The following RABGAP1L variants were observed in gnomAD, a reference collection of about 807,000 sequenced individuals.
RABGAP1L encodes RAB GTPase activating protein 1 like, also known as rab GTPase-activating protein 1-like.
A neutral mutation model predicts 137.7 loss-of-function variants in RABGAP1L; 63 were observed. The observed-to-expected ratio is 0.46, with a 90% confidence interval of 0.37 to 0.56. RABGAP1L has a LOEUF of 0.56. Among genes scored for constraint, RABGAP1L ranks in the 20% least tolerant of loss-of-function variants. The pLI is 0.00. For missense variants in RABGAP1L, 1,095 were observed against 1,244.0 expected (o/e 0.88, Z 1.80); for synonymous variants, 431 against 433.7 (o/e 0.99, Z 0.08).
intron 1 of RABGAP1L, among the ~76,000 whole-genome samples, chr1:174,180,038 T>G (rs1335421626): frequency 1.3e-5 from 2 of 152,254 alleles, no homozygotes; most frequent in African/African-American, 2.4e-5. Context: ...TAATGCATAT[T>G]CTTAAGACTC....
intron 18 of RABGAP1L, among the ~76,000 whole-genome samples, chr1:174,806,294 C>G (rs1460449617): frequency 6.6e-6 from 1 of 152,138 alleles, no homozygotes; most frequent in Non-Finnish European, 1.5e-5. Flanking sequence ...ATCTGCAGAG[C>G]CAGCTCATTA....
At chr1:174,675,281 G>A (rs2148458406) in intron 14 of RABGAP1L, among the ~76,000 whole-genome samples, 1 of 151,338 alleles carries the variant, frequency 6.6e-6, no homozygotes, top group Non-Finnish European at 1.5e-5. Flanking sequence ...TGTAAGGAAG[G>A]GATCCAGTTT....
At chr1:174,794,100 G>T (rs1203225994) in intron 18 of RABGAP1L, among the ~76,000 whole-genome samples, 1 of 152,140 alleles carries the variant, frequency 6.6e-6, no homozygotes, top group Non-Finnish European at 1.5e-5. Context: ...TGACCTGTTT[G>T]CTGGATCTTA....
At chr1:174,389,932 A>G (rs1687088004) in intron 12 of RABGAP1L, among the ~76,000 whole-genome samples, 2 of 152,322 alleles carry the variant, frequency 1.3e-5, no homozygotes, top group East Asian at 1.9e-4. Flanking sequence ...AGCATGTATC[A>G]TAACTAGTTG....
chr1:174,636,246 T>C (rs1674018603), intron 13 of RABGAP1L, among the ~76,000 whole-genome samples: 1 of 152,166 alleles, frequency 6.6e-6, no homozygotes, highest in African/African-American at 2.4e-5. Flanking sequence ...AAAGAAGATA[T>C]CATCCTTCAC....
chr1:174,339,239 G>A (rs540060711), intron 11 of RABGAP1L, among the ~76,000 whole-genome samples: 140 of 152,108 alleles, frequency 9.2e-4, no homozygotes, highest in Non-Finnish European at 1.0e-3. Flanking sequence ...AACATGCAGC[G>A]CAAAAACTCA....
chr1:174,650,404 G>T (rs1277975872), intron 14 of RABGAP1L, among the ~76,000 whole-genome samples: 4 of 152,258 alleles, frequency 2.6e-5, no homozygotes, highest in Admixed American at 1.3e-4. Context: ...GTTTCAGAAG[G>T]AACGGTACCA....
intron 1 of RABGAP1L, among the ~76,000 whole-genome samples, chr1:174,176,711 C>CAA (rs1558005321): frequency 9.4e-5 from 1 of 10,606 alleles, no homozygotes; most frequent in Non-Finnish European, 1.5e-4. Context: ...GACCCTTTTT[C>CAA]AGAAAAAAAA....
At chr1:174,303,655 T>C (rs561274561) in intron 10 of RABGAP1L, among the ~76,000 whole-genome samples, 1 of 152,280 alleles carries the variant, frequency 6.6e-6, no homozygotes, top group South Asian at 2.1e-4. Flanking sequence ...TGGGAACAAG[T>C]AGTGTATTTT....
chr1:174,564,815 A>G (rs1667460635), intron 13 of RABGAP1L, among the ~76,000 whole-genome samples: 1 of 152,168 alleles, frequency 6.6e-6, no homozygotes, highest in African/African-American at 2.4e-5. Flanking sequence ...TCTAGATCCT[A>G]TGGATAGGAA....
intron 13 of RABGAP1L, among the ~76,000 whole-genome samples, chr1:174,442,661 A>G (rs575649953): frequency 6.0e-4 from 91 of 152,312 alleles, no homozygotes; most frequent in South Asian, 5.8e-3. Context: ...ACATGCATAC[A>G]ATGTGTAATG....
At chr1:174,597,916 A>G (rs1572450487) in intron 13 of RABGAP1L, among the ~76,000 whole-genome samples, 1 of 152,174 alleles carries the variant, frequency 6.6e-6, no homozygotes, top group South Asian at 2.1e-4. Context: ...CTCACTGGTC[A>G]TTCAGCAGCA....
intron 13 of RABGAP1L, among the ~76,000 whole-genome samples, chr1:174,512,865 G>T (rs926523172): frequency 3.3e-5 from 5 of 152,104 alleles, no homozygotes; most frequent in Admixed American, 6.5e-5. Flanking sequence ...ATTTACACAT[G>T]TACACATACA....
chr1:174,609,837 C>A (rs1671058731), intron 13 of RABGAP1L, among the ~76,000 whole-genome samples: 1 of 151,988 alleles, frequency 6.6e-6, no homozygotes. Context: ...TACTTCTTTT[C>A]ATATAAAATG....
At chr1:174,509,400 C>A (rs1216471424) in intron 13 of RABGAP1L, among the ~76,000 whole-genome samples, 2 of 151,910 alleles carry the variant, frequency 1.3e-5, no homozygotes, top group East Asian at 3.9e-4. Flanking sequence ...CTAACTCCTA[C>A]CTCCTCTTCT....
chr1:174,872,355 G>A (rs913673548), intron 19 of RABGAP1L, among the ~76,000 whole-genome samples: 1 of 152,000 alleles, frequency 6.6e-6, no homozygotes, highest in African/African-American at 2.4e-5. Flanking sequence ...CTCAGTAGGT[G>A]TTACTAGACT....
chr1:174,288,965 T>C (rs1344803686), intron 10 of RABGAP1L, among the ~76,000 whole-genome samples: 1 of 152,122 alleles, frequency 6.6e-6, no homozygotes, highest in Non-Finnish European at 1.5e-5. Flanking sequence ...TTTTTTATTC[T>C]TCTGCTTGGC....
intron 13 of RABGAP1L, among the ~76,000 whole-genome samples, chr1:174,429,498 T>A (rs1652341632): frequency 6.6e-6 from 1 of 152,020 alleles, no homozygotes; most frequent in Non-Finnish European, 1.5e-5. Context: ...TTCCAGCACT[T>A]TTGGAGGCTG....
Position 174,941,686 on chromosome 1 carries a change from G to GAAACA in RABGAP1L, c.2341-15741_2341-15737dup, listed in dbSNP as rs140349820. Among the ~76,000 whole-genome samples, 220 of 150,400 alleles carry GAAACA rather than the reference G, an allele frequency of 1.5e-3. 1 individual carries two copies. The highest frequency in any genetic ancestry group is 4.2e-3 in the Admixed American group (64 of 15,118). On this transcript the variant is annotated intron_variant, in intron 19 of 25. Coordinates refer to ENST00000681986, the MANE Select transcript of RABGAP1L (RefSeq NM_001366446.1). ...TACCCTCCTCCTCCCCCACCAAAAC[G>GAAACA]AAACAAAACAAAACAAAACAAAACA...
Sources: gnomAD v4.1 joint callset for allele counts (sites outside exome capture counted in the v4.1 genomes callset) on GRCh38, gnomAD v4.1.1 for gene constraint, MANE v1.5 for transcripts, NCBI Gene and HGNC (gene_info 2026-07-23, HGNC 2026-07-21) for gene names.